LLGL1: variants seen among roughly 807,000 people sequenced by gnomAD.
The protein encoded by LLGL1 is lethal(2) giant larvae protein homolog 1.
LLGL1 carries 58 observed loss-of-function variants against 110.6 expected under a neutral mutation model. The observed-to-expected ratio is 0.52, with a 90% confidence interval of 0.42 to 0.65. The LOEUF (loss-of-function observed/expected upper bound fraction) is 0.65, where lower values mean the gene tolerates loss of function less well. Among genes scored for constraint, LLGL1 ranks in the 30% least tolerant of loss-of-function variants. The probability of loss-of-function intolerance (pLI) is 0.00; values close to 1 mark genes in which losing one functional copy is unlikely to be tolerated. For missense variants in LLGL1, 1,229 were observed against 1,462.1 expected, an observed-to-expected ratio of 0.84 and a Z score of 2.60; for synonymous variants, 674 against 607.2, an observed-to-expected ratio of 1.11 and a Z score of -1.62.
intron 1 of LLGL1, among the ~76,000 whole-genome samples, chr17:18,226,510 G>C (rs949186474): frequency 6.6e-6 from 1 of 152,228 alleles, no homozygotes; most frequent in Admixed American, 6.5e-5. Context: ...GCCTTGCCCT[G>C]CTCTGCCCTG....
Position 18,234,247 on chromosome 17 carries a change from GCCTGCCTGCC to G in LLGL1, c.715-14_715-5del, listed in dbSNP as rs759404288. 127 of 1,595,422 alleles carry G rather than the reference GCCTGCCTGCC, an allele frequency of 8.0e-5. 1 individual carries two copies. Among genetic ancestry groups the G allele is most frequent in the Middle Eastern group, 1.7e-4 (1 of 6,042 alleles). On this transcript the variant is annotated splice_polypyrimidine_tract_variant and intron_variant, in intron 6 of 22. Coordinates refer to ENST00000316843, the MANE Select transcript of LLGL1 (RefSeq NM_004140.4). ...TGCCCACCATGGCTCATGCCTGCCT[GCCTGCCTGCC>G]CCTGCCTGCCCGCAGCAGCTGGAGA...
rs1042985836 is a variant in LLGL1, at chr17:18,235,513, C to T, written c.1328C>T (p.Ser443Leu). The T allele has an allele frequency of 1.8e-5, 29 of 1,613,838 alleles. No homozygotes were observed. The highest frequency in any genetic ancestry group is 2.2e-5 in the Non-Finnish European group (26 of 1,179,996). Residue 443 changes from serine to leucine, a missense_variant, in exon 11 of 23, where the codon TCA becomes TTA. Physicochemically the swap from Ser to Leu is moderately radical, Grantham distance 145. Coordinates refer to ENST00000316843, the MANE Select transcript of LLGL1 (RefSeq NM_004140.4). ...GGCCGAAACCTGGCCCAGGAGCCGT[C>T]ACAGCGAGGGCTGCTGCTGACGGGG... Reference protein sequence around the residue: ...TGGRNLAQEPSQRGLLLTGHE... With the variant: ...TGGRNLAQEPLQRGLLLTGHE...
At chr17:18,228,297 C>T (rs1333807660) in intron 1 of LLGL1, among the ~76,000 whole-genome samples, 1 of 152,276 alleles carries the variant, frequency 6.6e-6, no homozygotes, top group East Asian at 1.9e-4. Flanking sequence ...GGAGATTACT[C>T]CTGAGCGACA....
In LLGL1 at chr17:18,238,731, G is replaced by A; in HGVS notation, c.2206+122G>A. The A allele has an allele frequency of 3.0e-6, 3 of 999,548 alleles. No homozygotes were observed. In the East Asian group the frequency reaches 7.3e-5, roughly 24 times the overall value. The allele number at this position is 999,548 out of a possible 1,614,324, so 61.9% of individuals were successfully genotyped here. ...ACTGCACCTTCCAGGAGGTGGCTGG[G>A]CACGGTGGCTCAAGCCTGTGAGTGA... On this transcript the variant is annotated intron_variant, in intron 16 of 22. Coordinates refer to ENST00000316843, the MANE Select transcript of LLGL1 (RefSeq NM_004140.4).
At chr17:18,236,026 C>T (rs2047686118) in intron 11 of LLGL1, 1 of 188,764 alleles carries the variant, frequency 5.3e-6, no homozygotes, top group African/African-American at 2.4e-5. Context: ...ACCACCCCCA[C>T]AGTCACACAC....
intron 1 of LLGL1, among the ~76,000 whole-genome samples, chr17:18,226,146 T>A (rs1230422170): frequency 2.0e-5 from 3 of 152,134 alleles, no homozygotes; most frequent in Non-Finnish European, 2.9e-5. Flanking sequence ...TGGGGGTGTC[T>A]CTGCCTCTGC....
chr17:18,232,450 G>T, intron 2 of LLGL1, 45 bp from the exon 3 acceptor site: 1 of 1,554,300 alleles, frequency 6.4e-7, no homozygotes. Flanking sequence ...CCTCACTGTG[G>T]TTTGCTGGTC....
In LLGL1 at chr17:18,235,542, G is replaced by A; in HGVS notation, c.1352+5G>A. On this transcript the variant is annotated splice_donor_5th_base_variant and intron_variant, in intron 11 of 22. Transcript: ENST00000316843. ...GCGAGGGCTGCTGCTGACGGGGTAGGTGTGCGTGCTTATGTGGGTGAGTGG... is the reference window on the plus strand; with the variant it reads ...GCGAGGGCTGCTGCTGACGGGGTAGATGTGCGTGCTTATGTGGGTGAGTGG... 2 of 1,613,174 alleles carry A rather than the reference G, an allele frequency of 1.2e-6. No individual in the cohort carries two copies. Among genetic ancestry groups the A allele is most frequent in the Non-Finnish European group, 1.7e-6 (2 of 1,179,606 alleles).
chr17:18,242,120 C>A, intron 19 of LLGL1, 46 bp from the exon 20 acceptor site: 1 of 1,569,858 alleles, frequency 6.4e-7, no homozygotes, highest in Non-Finnish European at 8.8e-7. Flanking sequence ...GCGTGCCAGC[C>A]TCAAGTCATC....
rs2047735692 is a variant in LLGL1, at chr17:18,238,067, G to C, written c.1905G>C (p.Arg635Ser). 6.2e-7 allele frequency: 1 copy of C among 1,613,426 alleles called. No individual in the cohort carries two copies. Among genetic ancestry groups the C allele is most frequent in the African/African-American group, 1.3e-5 (1 of 74,906 alleles). The change falls in exon 15 of 23, where the codon AGG becomes AGC. Residue 635 changes from arginine to serine, a missense_variant and splice_region_variant. Transcript: ENST00000316843. ...DYQRKSPVLA[R>S]CTLHPNDSLA... is the part of the protein sequence containing the mutation. ...ACGACTGGACCCTGTCTTCCCCCAG[G>C]TGCACTCTTCACCCCAATGACTCCC...
chr17:18,244,736 A>AGGGGGGGGGGG lies in LLGL1; in HGVS notation c.*840_*841insGGGGGGGGGGG, dbSNP rs1567700333. On this transcript the variant is annotated 3_prime_UTR_variant, in exon 23 of 23. Coordinates refer to ENST00000316843, the MANE Select transcript of LLGL1 (RefSeq NM_004140.4). ...TGTGTGTCCGGCGGGGGGGGGGGGC[A>AGGGGGGGGGGG]GGGGGGGGGGTCAAGATGAGTTTCC... 9 of 10,196 alleles carry AGGGGGGGGGGG rather than the reference A, an allele frequency of 8.8e-4. No individual in the cohort carries two copies. The highest frequency in any genetic ancestry group is 1.2e-3 in the Non-Finnish European group (6 of 5,174). 0.6% of individuals were successfully genotyped at this position (10,196 alleles called of 1,614,324 possible).
At position 18,237,542 on chromosome 17, in the gene LLGL1, ACCT is replaced by A. The variant is rs748628305; in HGVS notation, c.1679_1681del (p.Leu560del). ...CAGGCGGTCAGCGTGGCCATCATAG[ACCT>A]CCTCCAGGACCGCGAGGGCTTCACA... On this transcript the variant is annotated inframe_deletion, in exon 14 of 23. Coordinates refer to ENST00000316843, the MANE Select transcript of LLGL1 (RefSeq NM_004140.4). 1.2e-6 allele frequency: 2 copies of A among 1,607,258 alleles called. No homozygotes were observed. Among genetic ancestry groups the A allele is most frequent in the South Asian group, 1.1e-5 (1 of 90,812 alleles).
In LLGL1 at chr17:18,240,638, C is replaced by T; in HGVS notation, c.2267C>T (p.Ala756Val). 1 of 1,612,958 alleles carries T rather than the reference C, an allele frequency of 6.2e-7. No homozygotes were observed. The highest frequency in any genetic ancestry group is 1.1e-5 in the South Asian group (1 of 91,002). The change falls in exon 17 of 23, where the codon GCA becomes GTA. Residue 756 changes from alanine (A) to valine (V), a missense_variant. Coordinates refer to ENST00000316843, the MANE Select transcript of LLGL1 (RefSeq NM_004140.4). The surrounding 1 kb of genome is among the most constrained non-coding windows in gnomAD (Gnocchi z 5.3). ...AACTCAGGCTCTGTGTTCGCCTATG[C>T]ACTGGAGGTGCCGGCAGCAGCAGTG... ...GTNSGSVFAY[A>V]LEVPAAAVGG...
At chr17:18,227,820 C>T (rs1005891390) in intron 1 of LLGL1, among the ~76,000 whole-genome samples, 2 of 152,142 alleles carry the variant, frequency 1.3e-5, no homozygotes, top group Admixed American at 1.3e-4. Flanking sequence ...GAGGATGAAG[C>T]GTGGGCAGCA....
At chr17:18,232,460 C>T (rs2047590078) in intron 2 of LLGL1, 35 bp from the exon 3 acceptor site, 3 of 1,587,760 alleles carry the variant, frequency 1.9e-6, no homozygotes, top group African/African-American at 1.3e-5. Context: ...GTTTGCTGGT[C>T]TATGCCTATT....
rs1292215930 is a variant in LLGL1, at chr17:18,240,771, C to T, written c.2400C>T (p.Gly800=). The T allele has an allele frequency of 6.2e-7, 1 of 1,605,894 alleles. No homozygotes were observed. The highest frequency in any genetic ancestry group is 8.5e-7 in the Non-Finnish European group (1 of 1,176,216). Residue 800 remains glycine, a synonymous_variant, in exon 17 of 23, where the codon GGC becomes GGT. Transcript: ENST00000316843. The surrounding 1 kb of genome is among the most constrained non-coding windows in gnomAD (Gnocchi z 5.3). The part of the protein sequence containing the change: ...VVAIAVLDGR[G]RPLPEPYEAS... Reference sequence around the variant, plus strand: ...CCATTGCCGTGTTGGACGGGCGTGGCCGCCCACTGCCCGAGCCCTACGAGG... The same window carrying T: ...CCATTGCCGTGTTGGACGGGCGTGGTCGCCCACTGCCCGAGCCCTACGAGG...
rs1342911945 is a variant in LLGL1 at position 18,235,461 on chromosome 17, C to T, written c.1285-9C>T. 3 of 1,614,078 alleles carry T rather than the reference C, an allele frequency of 1.9e-6. No individual in the cohort carries two copies. In the South Asian group the frequency reaches 3.3e-5, roughly 18 times the overall value. ...ACCTTGTGCATACATCTCTGCCACC[C>T]CCTCCCAGAGCTGGCCCATCACTGG... On this transcript the variant is annotated splice_polypyrimidine_tract_variant and intron_variant, in intron 10 of 22. Transcript: ENST00000316843.
At position 18,240,928 on chromosome 17, in the gene LLGL1, C is replaced by A; in HGVS notation, c.2502+55C>A. 6.9e-7 allele frequency: 1 copy of A among 1,452,168 alleles called. No homozygotes were observed. Among genetic ancestry groups the A allele is most frequent in the East Asian group, 2.5e-5 (1 of 39,830 alleles). The allele number at this position is 1,452,168 out of a possible 1,614,324, so 90.0% of individuals were successfully genotyped here. A position where few individuals can be genotyped will look rare whatever the true frequency, so the allele number is the denominator to read the frequency against. ...GGGGGACTCCCCTCCAGGCCCCAAC[C>A]TCATGGACACCATTGGACCCTCAAG... On this transcript the variant is annotated intron_variant, in intron 17 of 22. Coordinates refer to ENST00000316843, the MANE Select transcript of LLGL1 (RefSeq NM_004140.4). This position sits in a 1 kb window ranked among gnomAD's most constrained non-coding sequence, Gnocchi z 5.3.
intron 2 of LLGL1, among the ~76,000 whole-genome samples, chr17:18,231,425 G>C (rs1235428593): frequency 6.6e-6 from 1 of 152,206 alleles, no homozygotes; most frequent in African/African-American, 2.4e-5. Flanking sequence ...TTGTCACCGG[G>C]GCAACGTTGC....
Sources: gnomAD v4.1 joint callset for allele counts (sites outside exome capture counted in the v4.1 genomes callset) on GRCh38, gnomAD v4.1.1 for gene constraint, Gnocchi (gnomAD v3.1) non-coding constraint, MANE v1.5 for transcripts, NCBI Gene and HGNC (gene_info 2026-07-23, HGNC 2026-07-21) for gene names.